Variants in LSAMP observed in about 807,000 individuals in gnomAD.
The protein encoded by LSAMP is limbic system associated membrane protein.
A neutral mutation model predicts 38.6 loss-of-function variants in LSAMP; 7 were observed. The observed-to-expected ratio is 0.18, with a 90% confidence interval of 0.10 to 0.34. LSAMP has a LOEUF of 0.34. Among genes scored for constraint, LSAMP ranks in the 10% least tolerant of loss-of-function variants. The probability of loss-of-function intolerance (pLI) is 1.00; values close to 1 mark genes in which losing one functional copy is unlikely to be tolerated. For missense variants in LSAMP, 313 were observed against 420.0 expected (o/e 0.75, Z 2.23); for synonymous variants, 154 against 166.8 (o/e 0.92, Z 0.59).
chr3:116,217,530 CAT>C (rs2046235295), intron 1 of LSAMP, among the ~76,000 whole-genome samples: 2 of 152,220 alleles, frequency 1.3e-5, no homozygotes. Flanking sequence ...GATATTAAAA[CAT>C]AGTCTCTGCC....
intron 1 of LSAMP, among the ~76,000 whole-genome samples, chr3:116,239,334 C>T (rs1414814061): frequency 6.6e-6 from 1 of 152,052 alleles, no homozygotes; most frequent in Non-Finnish European, 1.5e-5. Flanking sequence ...GGCTTCCTGA[C>T]TCACGAGGCT....
chr3:116,425,065 G>A (rs2049177321), intron 1 of LSAMP, among the ~76,000 whole-genome samples: 1 of 151,620 alleles, frequency 6.6e-6, no homozygotes, highest in Admixed American at 6.6e-5. Context: ...GCAGGGGCTG[G>A]GCATTTAGAT....
intron 1 of LSAMP, among the ~76,000 whole-genome samples, chr3:116,390,378 G>A (rs1370418278): frequency 6.6e-6 from 1 of 152,094 alleles, no homozygotes; most frequent in African/African-American, 2.4e-5. Context: ...CACATAGAAG[G>A]TAAAGCTTGA....
chr3:116,105,172 A>AG (rs1302320982), intron 1 of LSAMP, among the ~76,000 whole-genome samples: 85 of 134,960 alleles, frequency 6.3e-4, no homozygotes, highest in African/African-American at 2.7e-3. Flanking sequence ...CAGTTTGACT[A>AG]GGGGGAAAAA....
chr3:116,075,182 G>A (rs1707711067), intron 2 of LSAMP, among the ~76,000 whole-genome samples: 1 of 138,500 alleles, frequency 7.2e-6, no homozygotes, highest in Non-Finnish European at 1.5e-5. Flanking sequence ...CTGTTGCCCA[G>A]GCTGGAGTGC....
intron 3 of LSAMP, among the ~76,000 whole-genome samples, chr3:115,946,926 T>TA (rs1487384578): frequency 6.6e-6 from 1 of 152,062 alleles, no homozygotes; most frequent in Non-Finnish European, 1.5e-5. Flanking sequence ...TAGGTATGTA[T>TA]AATGGTATAT....
At chr3:115,879,403 C>T (rs1188619110) in intron 3 of LSAMP, among the ~76,000 whole-genome samples, 1 of 152,036 alleles carries the variant, frequency 6.6e-6, no homozygotes, top group Non-Finnish European at 1.5e-5. Context: ...ACTCCAGTCA[C>T]TGAAACATTT....
chr3:116,380,241 C>A (rs779099597), intron 1 of LSAMP, among the ~76,000 whole-genome samples: 1 of 151,772 alleles, frequency 6.6e-6, no homozygotes, highest in East Asian at 1.9e-4. Flanking sequence ...GTATTTGGAG[C>A]GTATAGAGAT....
intron 6 of LSAMP, among the ~76,000 whole-genome samples, chr3:115,818,933 G>T (rs928270687): frequency 2.5e-4 from 38 of 150,218 alleles, no homozygotes; most frequent in Middle Eastern, 3.4e-3. Context: ...GCTGAGGAAG[G>T]TGGATCACCT....
chr3:116,405,855 T>TG (rs1226914124), intron 1 of LSAMP, among the ~76,000 whole-genome samples: 1 of 152,062 alleles, frequency 6.6e-6, no homozygotes, highest in Non-Finnish European at 1.5e-5. Flanking sequence ...GAGGGAGGTA[T>TG]GTGTGAACCA....
At position 115,901,987 on chromosome 3, in the gene LSAMP, A is replaced by C. The variant is rs1161142255; in HGVS notation, c.515-49370T>G. Among the ~76,000 whole-genome samples the C allele has an allele frequency of 3.3e-5, 5 of 152,002 alleles. No homozygotes were observed. The East Asian group carries it at 9.6e-4, about 29-fold the overall frequency. ...CAATGATAAAATTTAACTAGATAAGAAAAAACCCTGTCCATTTAGAAACTA... is the reference window on the plus strand; with the variant it reads ...CAATGATAAAATTTAACTAGATAAGCAAAAACCCTGTCCATTTAGAAACTA... On this transcript the variant is annotated intron_variant, in intron 3 of 6. Coordinates refer to ENST00000490035, the MANE Select transcript of LSAMP (RefSeq NM_002338.5).
intron 2 of LSAMP, among the ~76,000 whole-genome samples, chr3:116,075,115 G>A (rs1167401619): frequency 6.8e-6 from 1 of 147,954 alleles, no homozygotes; most frequent in African/African-American, 2.5e-5. Context: ...TGGGATTACA[G>A]GTATGAGTCA....
rs180759344 is a variant in LSAMP, at chr3:115,963,114, A to G, written c.514+56401T>C. 4.6e-5 allele frequency among the ~76,000 whole-genome samples: 7 copies of G among 152,266 alleles called. No homozygotes were observed. The East Asian group carries it at 1.4e-3, about 29-fold the overall frequency. On this transcript the variant is annotated intron_variant, in intron 3 of 6. Transcript: ENST00000490035. The stretch of plus-strand genomic sequence containing the variant: ...TGATTTTCTGTCCTAAAAGTTTCTG[A>G]ACAACTTGATTGTGTGGGACCACAG...
chr3:116,155,673 T>C (rs1709731257), intron 1 of LSAMP, among the ~76,000 whole-genome samples: 1 of 151,974 alleles, frequency 6.6e-6, no homozygotes, highest in Non-Finnish European at 1.5e-5. Flanking sequence ...CTGTAAAACA[T>C]ACATACATAT....
chr3:116,374,213 T>G (rs182447514), intron 1 of LSAMP, among the ~76,000 whole-genome samples: 266 of 152,058 alleles, frequency 1.7e-3, no homozygotes, highest in African/African-American at 6.3e-3. Flanking sequence ...ACTGAAAATT[T>G]CTTTATTCTG....
chr3:116,109,216 TAA>T (rs1460900937), intron 1 of LSAMP, among the ~76,000 whole-genome samples: 1 of 152,136 alleles, frequency 6.6e-6, no homozygotes, highest in Non-Finnish European at 1.5e-5. Flanking sequence ...GCCACCTTTT[TAA>T]GAGTAAATTG....
chr3:115,861,149 C>CTTT (rs1935677656), intron 3 of LSAMP, among the ~76,000 whole-genome samples: 1 of 47,604 alleles, frequency 2.1e-5, no homozygotes, highest in Non-Finnish European at 3.7e-5. Context: ...TTCCTTCCTT[C>CTTT]CTTCCTTCCT....
chr3:115,929,246 A>G (rs1173503409), intron 3 of LSAMP, among the ~76,000 whole-genome samples: 1 of 152,118 alleles, frequency 6.6e-6, no homozygotes, highest in African/African-American at 2.4e-5. Flanking sequence ...ACTCCAAACT[A>G]ACAAAACAAA....
chr3:115,816,194 CTACTTG>C (rs1367251686), intron 6 of LSAMP, among the ~76,000 whole-genome samples: 1 of 152,134 alleles, frequency 6.6e-6, no homozygotes, highest in East Asian at 1.9e-4. Context: ...GAATTAGTAA[CTACTTG>C]CATTTTAGGG....
Sources: gnomAD v4.1 joint callset for allele counts (sites outside exome capture counted in the v4.1 genomes callset) on GRCh38, gnomAD v4.1.1 for gene constraint, MANE v1.5 for transcripts, NCBI Gene and HGNC (gene_info 2026-07-23, HGNC 2026-07-21) for gene names.